PPFIA2: variants seen among roughly 807,000 people sequenced by gnomAD.
The protein encoded by PPFIA2 is liprin-alpha-2.
Under a neutral mutation model 175.5 loss-of-function variants are expected in PPFIA2, and 46 were observed. That is an observed-to-expected ratio of 0.26 (90% CI 0.21 to 0.34). The LOEUF is 0.34. PPFIA2 is among the 10% of genes least tolerant of loss of function. PPFIA2 has a pLI of 1.00. For synonymous variants in PPFIA2, 568 were observed against 511.4 expected (o/e 1.11, Z -1.49); for missense variants, 1,179 against 1,506.1 (o/e 0.78, Z 3.60).
chr12:81,718,540 T>C (rs1452231975), intron 3 of PPFIA2, among the ~76,000 whole-genome samples: 1 of 151,628 alleles, frequency 6.6e-6, no homozygotes, highest in African/African-American at 2.4e-5. Context: ...GCTACAAGTA[T>C]GTGCATTATA....
At chr12:81,506,073 T>C (rs1412397367) in intron 4 of PPFIA2, 1 of 152,182 alleles carries the variant, frequency 6.6e-6, no homozygotes, top group East Asian at 1.9e-4. Context: ...TACCAATAAG[T>C]CATTTAGCAG....
intron 4 of PPFIA2, among the ~76,000 whole-genome samples, chr12:81,646,016 C>G (rs2066010816): frequency 6.6e-6 from 1 of 152,132 alleles, no homozygotes; most frequent in South Asian, 2.1e-4. Flanking sequence ...ACAGGAAACC[C>G]TTCCATAAGA....
chr12:81,363,041 A>G (rs899370074), intron 14 of PPFIA2, among the ~76,000 whole-genome samples: 3 of 151,614 alleles, frequency 2.0e-5, no homozygotes, highest in Admixed American at 6.6e-5. Context: ...GAATATTAAA[A>G]TTATGACTAG....
rs1205117672 is a variant in PPFIA2 at position 81,618,395 on chromosome 12, G to C, written c.303+58396C>G. ...ATATTTATTAAATAAATTAATGTAG[G>C]TAATAGTTAGCTTTAGCTAATGATT... On this transcript the variant is annotated intron_variant, in intron 4 of 32. Coordinates refer to ENST00000549396, the MANE Select transcript of PPFIA2 (RefSeq NM_003625.5). 2.6e-5 allele frequency among the ~76,000 whole-genome samples: 4 copies of C among 151,906 alleles called. No homozygotes were observed. The East Asian group carries it at 7.7e-4, about 29-fold the overall frequency.
At chr12:81,510,577 C>A (rs1304342238) in intron 4 of PPFIA2, among the ~76,000 whole-genome samples, 1 of 151,874 alleles carries the variant, frequency 6.6e-6, no homozygotes, top group African/African-American at 2.4e-5. Context: ...TATGATTGTA[C>A]CAATTTTAGC....
intron 4 of PPFIA2, among the ~76,000 whole-genome samples, chr12:81,523,083 A>C (rs1250485031): frequency 6.6e-6 from 1 of 152,182 alleles, no homozygotes; most frequent in Non-Finnish European, 1.5e-5. Flanking sequence ...TATGTATGCT[A>C]ATCTTGCCAC....
chr12:81,598,219 G>A lies in PPFIA2; in HGVS notation c.303+78572C>T, dbSNP rs181123291. On this transcript the variant is annotated intron_variant, in intron 4 of 32. Coordinates refer to ENST00000549396, the MANE Select transcript of PPFIA2 (RefSeq NM_003625.5). Reference sequence around the variant, plus strand: ...TCTACATTTGAAATCTTAGCTGAAAGATCATCAGCCACCGACCTTTTGTGA... The same window carrying A: ...TCTACATTTGAAATCTTAGCTGAAAAATCATCAGCCACCGACCTTTTGTGA... 2.4e-3 allele frequency: 3,289 copies of A among 1,362,208 alleles called. 6 individuals are homozygous for A. Among genetic ancestry groups the A allele is most frequent in the Admixed American group, 6.7e-3 (200 of 29,854 alleles). The allele number at this position is 1,362,208 out of a possible 1,614,324, so 84.4% of individuals were successfully genotyped here.
intron 3 of PPFIA2, among the ~76,000 whole-genome samples, chr12:81,701,208 A>C (rs1175778570): frequency 6.6e-6 from 1 of 152,166 alleles, no homozygotes; most frequent in Non-Finnish European, 1.5e-5. Flanking sequence ...AGATTAAATG[A>C]AATGTTACAG....
intron 3 of PPFIA2, among the ~76,000 whole-genome samples, chr12:81,711,909 A>G (rs2077984576): frequency 6.6e-6 from 1 of 151,048 alleles, no homozygotes; most frequent in Non-Finnish European, 1.5e-5. Context: ...GTGCTCAAAT[A>G]ACCATTTCTT....
rs1008758816 is a variant in PPFIA2 at position 81,748,615 on chromosome 12, C to T, written c.249+5358G>A. On this transcript the variant is annotated intron_variant, in intron 3 of 32. Coordinates refer to ENST00000549396, the MANE Select transcript of PPFIA2 (RefSeq NM_003625.5). ...CAGACAACAGCCAATTGACATAAAG[C>T]TGACACAGCCAACCTTCAGCTAGCC... 1.4e-5 allele frequency among the ~76,000 whole-genome samples: 2 copies of T among 144,640 alleles called. 1 individual carries two copies. The allele number at this position is 144,640 out of a possible 152,430, so 94.9% of individuals were successfully genotyped here. A position where few individuals can be genotyped will look rare whatever the true frequency, so the allele number is the denominator to read the frequency against.
chr12:81,437,992 GTTTTCTT>G (rs2049404878), intron 7 of PPFIA2, among the ~76,000 whole-genome samples: 1 of 149,030 alleles, frequency 6.7e-6, no homozygotes, highest in Non-Finnish European at 1.5e-5. Context: ...TCATCAAAAA[GTTTTCTT>G]TCCTTTTTAA....
At position 81,567,116 on chromosome 12, in the gene PPFIA2, G is replaced by A. The variant is rs183889628; in HGVS notation, c.304-109250C>T. The stretch of plus-strand genomic sequence containing the variant: ...GGCTAGAGTGCAGTGGCGCAATCTC[G>A]GCTCACTGCAAGCTCTGCCTCCCGG... On this transcript the variant is annotated intron_variant, in intron 4 of 32. Transcript: ENST00000549396. Among the ~76,000 whole-genome samples the A allele has an allele frequency of 2.1e-3, 319 of 152,234 alleles. 1 individual carries two copies. Among genetic ancestry groups the A allele is most frequent in the African/African-American group, 7.1e-3 (295 of 41,530 alleles).
chr12:81,685,605 T>A (rs1567859501), intron 3 of PPFIA2, among the ~76,000 whole-genome samples: 1 of 152,044 alleles, frequency 6.6e-6, no homozygotes, highest in Non-Finnish European at 1.5e-5. Context: ...GGTTTCATAG[T>A]ATTCAGAGTC....
intron 3 of PPFIA2, among the ~76,000 whole-genome samples, chr12:81,705,083 TAAAAAAAA>T (rs557079067): frequency 6.2e-5 from 2 of 32,356 alleles, no homozygotes; most frequent in East Asian, 1.1e-3. Flanking sequence ...AAACTCTGTC[TAAAAAAAA>T]AAAAAAAAAA....
intron 3 of PPFIA2, among the ~76,000 whole-genome samples, chr12:81,684,303 T>C (rs558535786): frequency 6.6e-6 from 1 of 152,174 alleles, no homozygotes; most frequent in South Asian, 2.1e-4. Flanking sequence ...TATGGATAGT[T>C]TACAGGGTCC....
chr12:81,632,997 A>C (rs191632847), intron 4 of PPFIA2, among the ~76,000 whole-genome samples: 1 of 152,176 alleles, frequency 6.6e-6, no homozygotes, highest in Admixed American at 6.5e-5. Flanking sequence ...AGTAATGATT[A>C]CTGTCGTTGA....
At chr12:81,552,513 G>A (rs1247631191) in intron 4 of PPFIA2, among the ~76,000 whole-genome samples, 1 of 151,928 alleles carries the variant, frequency 6.6e-6, no homozygotes, top group Admixed American at 6.6e-5. Context: ...CAATTGAAAT[G>A]TCAAGAAACA....
intron 4 of PPFIA2, among the ~76,000 whole-genome samples, chr12:81,485,771 T>G (rs2058740439): frequency 6.6e-6 from 1 of 151,904 alleles, no homozygotes; most frequent in South Asian, 2.1e-4. Flanking sequence ...CATTATTGAT[T>G]GCAAAATATG....
At chr12:81,700,965 T>C (rs2153600781) in intron 3 of PPFIA2, among the ~76,000 whole-genome samples, 1 of 152,228 alleles carries the variant, frequency 6.6e-6, no homozygotes, top group South Asian at 2.1e-4. Context: ...CAAATTTGGA[T>C]TAAAAGGTTT....
Sources: gnomAD v4.1 joint callset for allele counts (sites outside exome capture counted in the v4.1 genomes callset) on GRCh38, gnomAD v4.1.1 for gene constraint, MANE v1.5 for transcripts, NCBI Gene and HGNC (gene_info 2026-07-23, HGNC 2026-07-21) for gene names.